GEMIN2: variants seen among roughly 807,000 people sequenced by gnomAD.
The protein encoded by GEMIN2 is gem nuclear organelle associated protein 2.
Under a neutral mutation model 45.8 loss-of-function variants are expected in GEMIN2, and 37 were observed. The ratio of observed to expected loss-of-function variants is 0.81; its 90% confidence interval spans 0.62 to 1.06. The LOEUF is 1.06. Ranked by LOEUF, GEMIN2 falls within the 50% of genes least tolerant of loss-of-function variation. The pLI, the probability that GEMIN2 is intolerant of heterozygous loss-of-function variation, is 0.00. For synonymous variants in GEMIN2, 101 were observed against 111.5 expected (o/e 0.91, Z 0.60); for missense variants, 335 against 321.8 (o/e 1.04, Z -0.31).
chr14:39,136,634 T>C lies in GEMIN2; in HGVS notation c.*155T>C, dbSNP rs967001437. The C allele has an allele frequency of 5.2e-6, 3 of 578,632 alleles. No individual in the cohort carries two copies. The Admixed American group carries it at 9.3e-5, about 18-fold the overall frequency. 35.8% of individuals were successfully genotyped at this position (578,632 alleles called of 1,614,324 possible). A position where few individuals can be genotyped will look rare whatever the true frequency, so the allele number is the denominator to read the frequency against. ...GTGCAATTCAGATTGATACTCAGAA[T>C]ATGGGTTGATTTGAATATCTGAAAT... On this transcript the variant is annotated 3_prime_UTR_variant, in exon 10 of 10. Coordinates refer to ENST00000308317, the MANE Select transcript of GEMIN2 (RefSeq NM_003616.3).
At chr14:39,129,469 A>G (rs28485301) in intron 7 of GEMIN2, among the ~76,000 whole-genome samples, 33,020 of 152,096 alleles carry the variant, frequency 0.22, 4,038 homozygotes, top group Middle Eastern at 0.36. Flanking sequence ...GCTGGAGTGC[A>G]GTAGCGCGAT....
chr14:39,132,125 A>G (rs1489006357), intron 8 of GEMIN2, 57 bp downstream of exon 8: 2 of 808,516 alleles, frequency 2.5e-6, no homozygotes. Context: ...TATGGTGGTA[A>G]AGAAGGAGTT....
intron 7 of GEMIN2, among the ~76,000 whole-genome samples, chr14:39,128,989 G>T (rs2052681744): frequency 6.6e-6 from 1 of 152,122 alleles, no homozygotes; most frequent in South Asian, 2.1e-4. Flanking sequence ...AGTGGCTCAT[G>T]CCTGTAATCC....
At chr14:39,116,410 CT>C (rs71130815) in intron 2 of GEMIN2, among the ~76,000 whole-genome samples, 35,194 of 132,742 alleles carry the variant, frequency 0.27, 4,571 homozygotes, top group Non-Finnish European at 0.35. Context: ...ATTTCTTTTT[CT>C]TTTTTTTTTT....
At chr14:39,115,987 A>C (rs2052499785) in intron 2 of GEMIN2, among the ~76,000 whole-genome samples, 1 of 152,174 alleles carries the variant, frequency 6.6e-6, no homozygotes, top group Admixed American at 6.5e-5. Context: ...ATAAGCATGT[A>C]TAATAATCAA....
At chr14:39,117,831 A>G (rs1453775809) in intron 2 of GEMIN2, among the ~76,000 whole-genome samples, 168 bp from the exon 3 acceptor site, 2 of 152,252 alleles carry the variant, frequency 1.3e-5, no homozygotes, top group South Asian at 2.1e-4. Flanking sequence ...AGATATAAAT[A>G]ATAAAGTGAA....
At chr14:39,126,079 T>A (rs1243330878) in intron 6 of GEMIN2, among the ~76,000 whole-genome samples, 1 of 149,750 alleles carries the variant, frequency 6.7e-6, no homozygotes, top group East Asian at 2.2e-4. Context: ...GGAAGAATTA[T>A]GGAGTTTGGT....
In GEMIN2 at chr14:39,125,035, A is replaced by G; in HGVS notation, c.530A>G (p.Gln177Arg). ...PLLSIVSRMN[Q>R]ATVTSVLEYL... ...CTTAGTATTGTTAGCAGAATGAATCAGGTAAAATTAATAATAGAGATATAT... is the reference window on the plus strand; with the variant it reads ...CTTAGTATTGTTAGCAGAATGAATCGGGTAAAATTAATAATAGAGATATAT... The change falls in exon 6 of 10, where the codon CAG (glutamine) becomes CGG (arginine). Residue 177 changes from glutamine (Q) to arginine (R), a missense_variant and splice_region_variant. Physicochemically the swap from Gln to Arg is conservative, Grantham distance 43. Transcript: ENST00000308317. 1.4e-6 allele frequency: 2 copies of G among 1,406,604 alleles called. No homozygotes were observed. Among genetic ancestry groups the G allele is most frequent in the Non-Finnish European group, 2.0e-6 (2 of 994,508 alleles). 87.1% of individuals were successfully genotyped at this position (1,406,604 alleles called of 1,614,324 possible).
At chr14:39,125,761 C>T (rs1043453226) in intron 6 of GEMIN2, among the ~76,000 whole-genome samples, 2 of 152,096 alleles carry the variant, frequency 1.3e-5, no homozygotes, top group Non-Finnish European at 2.9e-5. Context: ...GTGGCTTATG[C>T]CTGTAATCCC....
At chr14:39,122,647 G>C (rs1294913797) in intron 5 of GEMIN2, 104 bp downstream of exon 5, 12 of 560,406 alleles carry the variant, frequency 2.1e-5, no homozygotes, top group Non-Finnish European at 3.8e-5. Context: ...CCAGTTCATG[G>C]CCTTTTTTAT....
At chr14:39,124,772 A>T (rs910208499) in intron 5 of GEMIN2, among the ~76,000 whole-genome samples, 5 of 150,266 alleles carry the variant, frequency 3.3e-5, no homozygotes, top group Non-Finnish European at 7.4e-5. Flanking sequence ...GACCCCATCT[A>T]AAAAAAAAAT....
Position 39,118,556 on chromosome 14 carries a change from GA to G in GEMIN2, c.331del (p.Ser111ValfsTer12). 1 of 1,486,984 alleles carries G rather than the reference GA, an allele frequency of 6.7e-7. No individual in the cohort carries two copies. Among genetic ancestry groups the G allele is most frequent in the Non-Finnish European group, 9.4e-7 (1 of 1,064,934 alleles). The allele number at this position is 1,486,984 out of a possible 1,614,324, so 92.1% of individuals were successfully genotyped here. Reference protein sequence around the residue: ...STVRQNVNKHRSHWKSQQLDS... With the variant: ...STVRQNVNKHXSHWKSQQLDS... Reference sequence around the variant, plus strand: ...TTCCTTTAGAATGTGAACAAACATAGAAGTCACTGGAAATCACAACAGTTGG... The same window carrying G: ...TTCCTTTAGAATGTGAACAAACATAGAGTCACTGGAAATCACAACAGTTGG... On this transcript the variant is annotated frameshift_variant, in exon 4 of 10. Coordinates refer to ENST00000308317, the MANE Select transcript of GEMIN2 (RefSeq NM_003616.3). LOFTEE classifies it high-confidence loss of function.
chr14:39,124,057 T>G (rs918911093), intron 5 of GEMIN2, among the ~76,000 whole-genome samples: 2 of 151,988 alleles, frequency 1.3e-5, no homozygotes, highest in Non-Finnish European at 2.9e-5. Context: ...GGTTTTTAAT[T>G]TATAAAGAAT....
intron 1 of GEMIN2, 35 bp downstream of exon 1, chr14:39,114,510 T>G (rs775085486): frequency 6.6e-7 from 1 of 1,525,724 alleles, no homozygotes; most frequent in Non-Finnish European, 9.1e-7. Context: ...TGGGCTGGTC[T>G]TCTGCCCTGC....
In GEMIN2 at chr14:39,136,491, T is replaced by C; in HGVS notation, c.*12T>C. The C allele has an allele frequency of 1.9e-6, 3 of 1,595,764 alleles. No homozygotes were observed. The highest frequency in any genetic ancestry group is 2.6e-6 in the Non-Finnish European group (3 of 1,164,664). On this transcript the variant is annotated 3_prime_UTR_variant, in exon 10 of 10. Transcript: ENST00000308317. ...ATGAGCCATCTTGATGTAGCTGATC[T>C]CTCAGGGATAGAAGATATTTCTCAT...
chr14:39,129,934 GT>G (rs34165330), intron 7 of GEMIN2, among the ~76,000 whole-genome samples: 8,611 of 61,522 alleles, frequency 0.14, 62 homozygotes, highest in Middle Eastern at 0.19. Flanking sequence ...AGACAAGTTT[GT>G]TTTTTTTTTT....
At chr14:39,114,558 G>T in intron 1 of GEMIN2, 83 bp downstream of exon 1, 1 of 1,045,614 alleles carries the variant, frequency 9.6e-7, no homozygotes, top group South Asian at 1.5e-5. Flanking sequence ...TCCCGTTCCA[G>T]TCTGTTGCGA....
At chr14:39,133,152 CTA>C (rs2139359747) in intron 8 of GEMIN2, among the ~76,000 whole-genome samples, 1 of 126,620 alleles carries the variant, frequency 7.9e-6, no homozygotes, top group South Asian at 2.7e-4. Context: ...CATATATATT[CTA>C]TATATATCCT....
chr14:39,133,683 T>G lies in GEMIN2; in HGVS notation c.734T>G (p.Val245Gly), dbSNP rs2052749367. Residue 245 changes from valine (V) to glycine (G), a missense_variant, in exon 9 of 10, where the codon GTT becomes GGT. By Grantham distance (109) the Val-to-Gly change is moderately radical. Coordinates refer to ENST00000308317, the MANE Select transcript of GEMIN2 (RefSeq NM_003616.3). Reference sequence around the variant, plus strand: ...TAGGATAGCAAAGATGATGAGAGGGTTCCTGCTTTGAATTTATTAATCTGC... The same window carrying G: ...TAGGATAGCAAAGATGATGAGAGGGGTCCTGCTTTGAATTTATTAATCTGC... ...LLVDSKDDER[V>G]PALNLLICLV... 1 of 1,536,314 alleles carries G rather than the reference T, an allele frequency of 6.5e-7. No homozygotes were observed.
Sources: allele counts gnomAD v4.1 joint callset (sites outside exome capture counted in the v4.1 genomes callset), GRCh38; gene constraint gnomAD v4.1.1; transcripts MANE v1.5; gene names NCBI Gene and HGNC (gene_info 2026-07-23, HGNC 2026-07-21).